Variants in HSD17B12 observed in about 807,000 individuals in gnomAD.
HSD17B12 encodes very-long-chain 3-oxoacyl-CoA reductase.
Under a neutral mutation model 39.3 loss-of-function variants are expected in HSD17B12, and 32 were observed. That is an observed-to-expected ratio of 0.81 (90% CI 0.61 to 1.09). HSD17B12 has a LOEUF of 1.09. Ranked by LOEUF, HSD17B12 falls within the 50% of genes least tolerant of loss-of-function variation. The pLI is 0.00. For synonymous variants in HSD17B12, 150 were observed against 146.7 expected, an observed-to-expected ratio of 1.02 and a Z score of -0.16; for missense variants, 342 against 382.9, an observed-to-expected ratio of 0.89 and a Z score of 0.89.
the HSD17B12 span, among the ~76,000 whole-genome samples, chr11:43,570,972 T>C: frequency 6.6e-6 from 1 of 152,210 alleles, no homozygotes; most frequent in African/African-American, 2.4e-5. Flanking sequence ...ATCCAGCAGA[T>C]ATGTTAGTCC....
At chr11:43,811,372 G>A (rs1951071896) in intron 4 of HSD17B12, among the ~76,000 whole-genome samples, 3 of 152,208 alleles carry the variant, frequency 2.0e-5, no homozygotes, top group South Asian at 2.1e-4. Flanking sequence ...GGGAATGTAG[G>A]AGTCCTAATC....
At chr11:43,644,802 C>T in the HSD17B12 span, 3 of 152,578 alleles carry the variant, frequency 2.0e-5, no homozygotes, top group Non-Finnish European at 4.4e-5. Context: ...TTGGCTTTCC[C>T]TTGCATGTGG....
chr11:43,605,633 A>T, the HSD17B12 span, among the ~76,000 whole-genome samples: 1 of 151,874 alleles, frequency 6.6e-6, no homozygotes, highest in East Asian at 1.9e-4. Context: ...TGTCTCAGGC[A>T]ACTTGCTCAA....
intron 1 of HSD17B12, among the ~76,000 whole-genome samples, chr11:43,699,882 C>G (rs1207813978): frequency 1.3e-5 from 2 of 152,218 alleles, no homozygotes; most frequent in Non-Finnish European, 2.9e-5. Context: ...CTCAACATCA[C>G]TGATCATCAG....
At chr11:43,743,380 G>A (rs1357639304) in intron 1 of HSD17B12, among the ~76,000 whole-genome samples, 1 of 152,168 alleles carries the variant, frequency 6.6e-6, no homozygotes, top group Non-Finnish European at 1.5e-5. Context: ...GCTATTGAAG[G>A]TGGTGGAGTG....
At chr11:43,800,376 A>G (rs1270306531) in intron 4 of HSD17B12, among the ~76,000 whole-genome samples, 1 of 152,216 alleles carries the variant, frequency 6.6e-6, no homozygotes, top group Admixed American at 6.5e-5. Flanking sequence ...TTTCAGAAAT[A>G]GTTAAATTCA....
At chr11:43,683,177 A>G (rs1479291226) in intron 1 of HSD17B12, among the ~76,000 whole-genome samples, 1 of 151,190 alleles carries the variant, frequency 6.6e-6, no homozygotes. Flanking sequence ...AGTCATCTAC[A>G]TATGAGTGTA....
the HSD17B12 span, among the ~76,000 whole-genome samples, chr11:43,583,027 G>A: frequency 6.6e-6 from 1 of 152,220 alleles, no homozygotes. Flanking sequence ...AACCACGTTA[G>A]ATTAATAATA....
At chr11:43,741,717 ATTTTCT>A (rs1173662349) in intron 1 of HSD17B12, among the ~76,000 whole-genome samples, 12 of 147,672 alleles carry the variant, frequency 8.1e-5, no homozygotes, top group Non-Finnish European at 1.5e-4. Context: ...TAACTGAGGG[ATTTTCT>A]TTTTCTTTTT....
chr11:43,742,391 C>G (rs778505036), intron 1 of HSD17B12, among the ~76,000 whole-genome samples: 1 of 151,846 alleles, frequency 6.6e-6, no homozygotes, highest in Non-Finnish European at 1.5e-5. Flanking sequence ...TTCTTCCCAC[C>G]TCAGCCTCCC....
At chr11:43,596,681 T>C in the HSD17B12 span, among the ~76,000 whole-genome samples, 2 of 152,182 alleles carry the variant, frequency 1.3e-5, no homozygotes, top group African/African-American at 4.8e-5. Context: ...CAAGCGATCC[T>C]CCTGCCTTGA....
intron 3 of HSD17B12, among the ~76,000 whole-genome samples, chr11:43,763,648 T>G (rs1307750762): frequency 6.7e-6 from 1 of 148,526 alleles, no homozygotes; most frequent in Non-Finnish European, 1.5e-5. Flanking sequence ...ATAAGATATA[T>G]ATATAGAGAG....
chr11:43,723,939 A>G (rs1372671618), intron 1 of HSD17B12: 3 of 149,940 alleles, frequency 2.0e-5, no homozygotes, highest in African/African-American at 5.0e-5. Flanking sequence ...TGATTTGTTC[A>G]TACAACTGTT....
chr11:43,803,624 G>T (rs1238505966), intron 4 of HSD17B12, among the ~76,000 whole-genome samples: 9 of 152,162 alleles, frequency 5.9e-5, no homozygotes, highest in African/African-American at 1.9e-4. Context: ...AAAGGAAAAT[G>T]CTAAAGCCCT....
chr11:43,800,563 A>G (rs955252621), intron 4 of HSD17B12, among the ~76,000 whole-genome samples: 15 of 152,162 alleles, frequency 9.9e-5, no homozygotes, highest in Non-Finnish European at 1.9e-4. Context: ...AAAGGCTTCA[A>G]TATGATTTTA....
At chr11:43,755,056 C>G in intron 3 of HSD17B12, 1 of 427,552 alleles carries the variant, frequency 2.3e-6, no homozygotes, top group Non-Finnish European at 4.1e-6. Flanking sequence ...TACTTTTATC[C>G]TCACAAATCA....
At chr11:43,797,407 C>T (rs1716923901) in intron 3 of HSD17B12, among the ~76,000 whole-genome samples, 1 of 152,146 alleles carries the variant, frequency 6.6e-6, no homozygotes, top group Non-Finnish European at 1.5e-5. Context: ...TTATGGACTG[C>T]CGTCTGCGTA....
chr11:43,680,565 G>A (rs1483348234), upstream of HSD17B12: 2 of 497,370 alleles, frequency 4.0e-6, no homozygotes, highest in African/African-American at 4.0e-5. Flanking sequence ...CTCACTGGCG[G>A]AACCCCGGGG....
At chr11:43,675,348 G>A in the HSD17B12 span, among the ~76,000 whole-genome samples, 1 of 152,166 alleles carries the variant, frequency 6.6e-6, no homozygotes, top group East Asian at 1.9e-4. Flanking sequence ...ATACAAAGGA[G>A]TGAGCCTTGG....
Sources: allele counts gnomAD v4.1 joint callset (sites outside exome capture counted in the v4.1 genomes callset), GRCh38; gene constraint gnomAD v4.1.1; transcripts MANE v1.5; gene names NCBI Gene and HGNC (gene_info 2026-07-23, HGNC 2026-07-21).